SLC24A2: variants seen among roughly 807,000 people sequenced by gnomAD.
The protein encoded by SLC24A2 is sodium/potassium/calcium exchanger 2.
In SLC24A2, 36 loss-of-function variants were observed where a neutral mutation model predicts 62.0. The ratio of observed to expected loss-of-function variants is 0.58; its 90% CI spans 0.44 to 0.77. SLC24A2 has a LOEUF of 0.77. SLC24A2 is among the 30% of genes least tolerant of loss of function. The pLI, the probability that SLC24A2 is intolerant of heterozygous loss-of-function variation, is 0.00. For missense variants in SLC24A2, 846 were observed against 817.9 expected (o/e 1.03, Z -0.42); for synonymous variants, 358 against 294.0 (o/e 1.22, Z -2.23).
rs1224133005 is a variant in SLC24A2 at position 19,509,515 on chromosome 9, A to G, written c.*6638T>C. The stretch of plus-strand genomic sequence containing the variant: ...TTGGTATTTTATGGCTTTAATTAAG[A>G]CAGTTGTCTCTTATGAAGTACTATA... On this transcript the variant is annotated 3_prime_UTR_variant, in exon 11 of 11. Coordinates refer to ENST00000341998, the MANE Select transcript of SLC24A2 (RefSeq NM_020344.4). 1.3e-5 allele frequency: 2 copies of G among 152,156 alleles called. No individual in the cohort carries two copies. Among genetic ancestry groups the G allele is most frequent in the Admixed American group, 6.5e-5 (1 of 15,270 alleles). 9.4% of individuals were successfully genotyped at this position (152,156 alleles called of 1,614,324 possible). A position where few individuals can be genotyped will look rare whatever the true frequency, so the allele number is the denominator to read the frequency against.
intron 2 of SLC24A2, among the ~76,000 whole-genome samples, chr9:19,750,651 T>C (rs1271409570): frequency 1.3e-5 from 2 of 152,170 alleles, no homozygotes; most frequent in African/African-American, 2.4e-5. Context: ...ATTTTGAGAA[T>C]GTTTCTCTAT....
At chr9:19,561,051 G>A (rs1172464260) in intron 7 of SLC24A2, among the ~76,000 whole-genome samples, 3 of 151,754 alleles carry the variant, frequency 2.0e-5, no homozygotes, top group South Asian at 2.1e-4. Context: ...TCAGCCTCCC[G>A]AGTAGCTGGG....
the SLC24A2 span, among the ~76,000 whole-genome samples, chr9:20,239,570 C>T: frequency 6.6e-6 from 1 of 152,130 alleles, no homozygotes; most frequent in Non-Finnish European, 1.5e-5. Context: ...AAAAGGGCTG[C>T]TCTTGCCCAG....
the SLC24A2 span, among the ~76,000 whole-genome samples, chr9:20,052,245 C>T: frequency 6.6e-6 from 1 of 152,154 alleles, no homozygotes; most frequent in South Asian, 2.1e-4. Context: ...CATGTTTGCA[C>T]TTGCTGAAAC....
the SLC24A2 span, among the ~76,000 whole-genome samples, chr9:19,823,835 T>C: frequency 1.3e-5 from 2 of 152,034 alleles, no homozygotes; most frequent in East Asian, 1.9e-4. Flanking sequence ...TATAGACCAA[T>C]GGAACAGAAC....
chr9:20,119,296 C>A, the SLC24A2 span, among the ~76,000 whole-genome samples: 2 of 152,052 alleles, frequency 1.3e-5, no homozygotes, highest in Non-Finnish European at 2.9e-5. Context: ...CTCACAGAAA[C>A]TGTGAGGTAA....
At chr9:19,636,854 T>G (rs192765751) in intron 2 of SLC24A2, among the ~76,000 whole-genome samples, 1 of 151,952 alleles carries the variant, frequency 6.6e-6, no homozygotes, top group Non-Finnish European at 1.5e-5. Context: ...GCGGGAAGAG[T>G]GTCCATAACT....
At chr9:19,613,840 G>C (rs1232845432) in intron 4 of SLC24A2, among the ~76,000 whole-genome samples, 1 of 152,142 alleles carries the variant, frequency 6.6e-6, no homozygotes, top group Non-Finnish European at 1.5e-5. Flanking sequence ...GCAGATACAG[G>C]TTCAAATTCT....
intron 8 of SLC24A2, among the ~76,000 whole-genome samples, chr9:19,540,606 T>G (rs1834203656): frequency 6.8e-6 from 1 of 146,566 alleles, no homozygotes; most frequent in African/African-American, 2.6e-5. Context: ...CCTTTGAGGG[T>G]AACCTGACCT....
At chr9:19,898,525 G>A in the SLC24A2 span, among the ~76,000 whole-genome samples, 4 of 152,054 alleles carry the variant, frequency 2.6e-5, no homozygotes, top group East Asian at 3.9e-4. Flanking sequence ...GGTGGATCAC[G>A]AGGTCAGGAG....
intron 8 of SLC24A2, among the ~76,000 whole-genome samples, chr9:19,530,028 C>T (rs1833625794): frequency 1.3e-5 from 2 of 150,442 alleles, no homozygotes; most frequent in Admixed American, 6.6e-5. Flanking sequence ...GCTAGGATTA[C>T]AGGTGTAAGC....
intron 5 of SLC24A2, among the ~76,000 whole-genome samples, chr9:19,588,996 A>ATTGT (rs1836464928): frequency 6.6e-6 from 1 of 152,166 alleles, no homozygotes. Flanking sequence ...TCTGCAATTC[A>ATTGT]TTGTTAGTGT....
At chr9:19,567,079 G>C (rs139909962) in intron 7 of SLC24A2, among the ~76,000 whole-genome samples, 3 of 150,768 alleles carry the variant, frequency 2.0e-5, no homozygotes, top group Non-Finnish European at 4.4e-5. Context: ...TGCACGTTGT[G>C]CACATGTACC....
chr9:20,079,838 G>A, the SLC24A2 span, among the ~76,000 whole-genome samples: 28 of 152,220 alleles, frequency 1.8e-4, no homozygotes, highest in African/African-American at 2.9e-4. Context: ...GGGCTGAGAC[G>A]ATGGGGTTTT....
chr9:19,543,929 G>A (rs1187825123), intron 8 of SLC24A2, among the ~76,000 whole-genome samples: 1 of 152,180 alleles, frequency 6.6e-6, no homozygotes, highest in Non-Finnish European at 1.5e-5. Flanking sequence ...AGAGAGTTCT[G>A]TAGATGTTTA....
chr9:19,840,162 G>A, the SLC24A2 span, among the ~76,000 whole-genome samples: 3 of 152,142 alleles, frequency 2.0e-5, no homozygotes, highest in African/African-American at 7.2e-5. Context: ...TGCATAGATG[G>A]TTAATTGTAG....
chr9:20,036,696 A>G, the SLC24A2 span, among the ~76,000 whole-genome samples: 1 of 152,214 alleles, frequency 6.6e-6, no homozygotes, highest in Admixed American at 6.5e-5. Context: ...ATAGAATTCC[A>G]TTGTGTATAT....
chr9:20,087,803 C>A, the SLC24A2 span, among the ~76,000 whole-genome samples: 1 of 151,684 alleles, frequency 6.6e-6, no homozygotes, highest in Admixed American at 6.6e-5. Flanking sequence ...CATGCACTGG[C>A]ATTCATCAAG....
intron 2 of SLC24A2, among the ~76,000 whole-genome samples, chr9:19,655,305 C>A (rs929102279): frequency 1.3e-5 from 2 of 152,176 alleles, no homozygotes; most frequent in African/African-American, 2.4e-5. Flanking sequence ...GCCTAAATAG[C>A]CTTGGACAGA....
Sources: gnomAD v4.1 joint callset for allele counts (sites outside exome capture counted in the v4.1 genomes callset) on GRCh38, gnomAD v4.1.1 for gene constraint, MANE v1.5 for transcripts, NCBI Gene and HGNC (gene_info 2026-07-23, HGNC 2026-07-21) for gene names.